SLC25A13: variants seen among roughly 807,000 people sequenced by gnomAD.
The protein encoded by SLC25A13 is solute carrier family 25 member 13.
SLC25A13 carries 70 observed loss-of-function variants against 85.5 expected under a neutral mutation model. The observed-to-expected ratio is 0.82, with a 90% CI of 0.68 to 1.00. The LOEUF is 1.00. Ranked by LOEUF, SLC25A13 falls within the 50% of genes least tolerant of loss-of-function variation. The pLI, the probability that SLC25A13 is intolerant of heterozygous loss-of-function variation, is 0.00. For missense variants in SLC25A13, 765 were observed against 819.8 expected (o/e 0.93, Z 0.82); for synonymous variants, 259 against 288.7 (o/e 0.90, Z 1.04).
At chr7:96,203,373 C>G (rs1795333634) in intron 5 of SLC25A13, among the ~76,000 whole-genome samples, 1 of 152,130 alleles carries the variant, frequency 6.6e-6, no homozygotes, top group Non-Finnish European at 1.5e-5. Flanking sequence ...ATACGCATCT[C>G]AGATAATTTT....
chr7:96,233,295 A>C lies in SLC25A13; in HGVS notation c.328+1507T>G, dbSNP rs1022865799. On this transcript the variant is annotated intron_variant, in intron 4 of 17. Transcript: ENST00000265631. ...CACCAAACTCGCTTCCATTGAGTAA[A>C]TCAATAACACCATGAGCTAGCTGCT... Among the ~76,000 whole-genome samples the C allele has an allele frequency of 2.6e-5, 4 of 152,202 alleles. No homozygotes were observed. The South Asian group carries it at 8.3e-4, about 32-fold the overall frequency.
chr7:96,143,141 A>C (rs1047977854), intron 14 of SLC25A13, among the ~76,000 whole-genome samples: 1 of 152,242 alleles, frequency 6.6e-6, no homozygotes, highest in African/African-American at 2.4e-5. Context: ...GTACTCAAAA[A>C]GAGACATGGA....
chr7:96,296,786 T>A, intron 2 of SLC25A13, 112 bp downstream of exon 2: 1 of 1,142,460 alleles, frequency 8.8e-7, no homozygotes, highest in Non-Finnish European at 1.3e-6. Context: ...GGGCTGACAC[T>A]TTGGGACTTT....
intron 3 of SLC25A13, among the ~76,000 whole-genome samples, chr7:96,242,830 C>G (rs1468322594): frequency 6.6e-6 from 1 of 152,214 alleles, no homozygotes; most frequent in Non-Finnish European, 1.5e-5. Flanking sequence ...AATCTCATGT[C>G]TCCCTAAAAT....
At chr7:96,178,983 T>C (rs1185330867) in intron 11 of SLC25A13, among the ~76,000 whole-genome samples, 1 of 152,246 alleles carries the variant, frequency 6.6e-6, no homozygotes, top group Non-Finnish European at 1.5e-5. Context: ...AAGATTTAAA[T>C]GCCAGTTTAT....
At chr7:96,127,943 C>T (rs1236584721) in intron 15 of SLC25A13, among the ~76,000 whole-genome samples, 3 of 152,186 alleles carry the variant, frequency 2.0e-5, no homozygotes, top group Non-Finnish European at 2.9e-5. Context: ...GGGCCTGATC[C>T]GTCCTCCACC....
chr7:96,285,174 T>TA (rs1163047407), intron 2 of SLC25A13, among the ~76,000 whole-genome samples: 1 of 152,162 alleles, frequency 6.6e-6, no homozygotes, highest in Non-Finnish European at 1.5e-5. Context: ...TCATCCATTA[T>TA]AAAAAATCAG....
intron 11 of SLC25A13, among the ~76,000 whole-genome samples, chr7:96,171,994 C>G (rs1162082499): frequency 6.6e-6 from 1 of 151,906 alleles, no homozygotes; most frequent in Admixed American, 6.6e-5. Flanking sequence ...AAACACACAC[C>G]AAGCTAACCC....
chr7:96,121,756 A>T lies in SLC25A13; in HGVS notation c.1751-11T>A. ...ATCGAAATACACGAGCTTTAAAAAAATGGAGAAATCACAGATATAATTAGA... is the reference window on the plus strand; with the variant it reads ...ATCGAAATACACGAGCTTTAAAAAATTGGAGAAATCACAGATATAATTAGA... On this transcript the variant is annotated splice_polypyrimidine_tract_variant and intron_variant, in intron 16 of 17. Transcript: ENST00000265631. The T allele has an allele frequency of 6.2e-7, 1 of 1,614,148 alleles. No individual in the cohort carries two copies. Among genetic ancestry groups the T allele is most frequent in the Non-Finnish European group, 8.5e-7 (1 of 1,179,980 alleles).
intron 4 of SLC25A13, among the ~76,000 whole-genome samples, chr7:96,229,453 G>C (rs1000505951): frequency 2.0e-5 from 3 of 152,086 alleles, no homozygotes; most frequent in Admixed American, 2.0e-4. Context: ...GGCAGATAAG[G>C]GAATAAAAGC....
At chr7:96,230,723 C>T (rs553962130) in intron 4 of SLC25A13, among the ~76,000 whole-genome samples, 10 of 152,280 alleles carry the variant, frequency 6.6e-5, no homozygotes, top group East Asian at 1.9e-4. Flanking sequence ...ATTCAATAAA[C>T]GATGCTGGGT....
At chr7:96,229,179 G>A (rs112354320) in intron 4 of SLC25A13, among the ~76,000 whole-genome samples, 5,002 of 152,332 alleles carry the variant, frequency 0.033, 210 homozygotes, top group African/African-American at 0.096. Flanking sequence ...CTCCTGAGTC[G>A]GGTGGGGACT....
At chr7:96,258,751 A>G (rs1157028263) in intron 3 of SLC25A13, among the ~76,000 whole-genome samples, 1 of 152,194 alleles carries the variant, frequency 6.6e-6, no homozygotes, top group African/African-American at 2.4e-5. Flanking sequence ...GAGCCCGTAT[A>G]GCCAACACAA....
chr7:96,270,291 C>G (rs1474044821), intron 3 of SLC25A13, among the ~76,000 whole-genome samples: 1 of 152,156 alleles, frequency 6.6e-6, no homozygotes, highest in Non-Finnish European at 1.5e-5. Flanking sequence ...TGCGGTGGCT[C>G]ACACCTATAA....
At chr7:96,134,066 T>TTGCCCAGGC (rs1377933379) in intron 14 of SLC25A13, among the ~76,000 whole-genome samples, 354 of 150,850 alleles carry the variant, frequency 2.3e-3, no homozygotes, top group African/African-American at 7.9e-3. Context: ...GTTGCCCAGG[T>TTGCCCAGGC]TGCCCAGGCT....
At chr7:96,285,333 TC>T (rs2116963747) in intron 2 of SLC25A13, among the ~76,000 whole-genome samples, 1 of 152,266 alleles carries the variant, frequency 6.6e-6, no homozygotes, top group East Asian at 1.9e-4. Flanking sequence ...CTCGAATGCT[TC>T]CTACTGTTTA....
Position 96,296,952 on chromosome 7 carries a change from C to A in SLC25A13, c.16-1G>T. 1.9e-6 allele frequency: 3 copies of A among 1,612,228 alleles called. No homozygotes were observed. Among genetic ancestry groups the A allele is most frequent in the East Asian group, 4.5e-5 (2 of 44,822 alleles). On this transcript the variant is annotated splice_acceptor_variant, in intron 1 of 17. Transcript: ENST00000265631. LOFTEE classifies it high-confidence loss of function. ...GATCTGCTCTCTTGGTTAAAGCCAC[C>A]TATAAATAAACATAAAAATGTTTAT...
intron 15 of SLC25A13, among the ~76,000 whole-genome samples, chr7:96,127,953 C>T (rs957468074): frequency 3.9e-5 from 6 of 152,204 alleles, no homozygotes; most frequent in Non-Finnish European, 8.8e-5. Context: ...CGTCCTCCAC[C>T]CAACAGCCCA....
At chr7:96,231,451 G>A (rs187683090) in intron 4 of SLC25A13, among the ~76,000 whole-genome samples, 6 of 152,176 alleles carry the variant, frequency 3.9e-5, no homozygotes. Flanking sequence ...AAGGCCAGGC[G>A]TGGTGTCTCA....
Sources: gnomAD v4.1 joint callset for allele counts (sites outside exome capture counted in the v4.1 genomes callset) on GRCh38, gnomAD v4.1.1 for gene constraint, MANE v1.5 for transcripts, NCBI Gene and HGNC (gene_info 2026-07-23, HGNC 2026-07-21) for gene names.